GHDC: variants seen among roughly 807,000 people sequenced by gnomAD.
GHDC encodes the protein GH3 domain-containing protein.
Under a neutral mutation model 51.5 loss-of-function variants are expected in GHDC, and 39 were observed. That is an observed-to-expected ratio of 0.76 (90% confidence interval 0.59 to 0.99). The LOEUF (loss-of-function observed/expected upper bound fraction) is 0.99. Among genes scored for constraint, GHDC ranks in the 50% least tolerant of loss-of-function variants. The pLI, the probability that GHDC is intolerant of heterozygous loss-of-function variation, is 0.00. For missense variants in GHDC, 610 were observed against 672.8 expected (o/e 0.91, Z 1.03); for synonymous variants, 282 against 305.2 (o/e 0.92, Z 0.79).
At chr17:42,193,676 AC>A (rs1159868905) in intron 2 of GHDC, 82 bp from the exon 3 acceptor site, 1 of 1,426,154 alleles carries the variant, frequency 7.0e-7, no homozygotes, top group African/African-American at 1.4e-5. Context: ...ATACAGGAAA[AC>A]CGAGGAAAAA....
In GHDC at chr17:42,192,482, A is replaced by G. The variant is rs200841324; in HGVS notation, c.648T>C (p.Asp216=). The G allele has an allele frequency of 1.1e-5, 18 of 1,613,680 alleles. No homozygotes were observed. The highest frequency in any genetic ancestry group is 5.5e-5 in the South Asian group (5 of 91,084). ...CTATCGCCCCAGCTAGCTCTTCACC[A>G]TCAGTCTCCAGGCCCAAGAAAACAT... ...LLDVFLGLET[D]GEELAGAIAA... The change falls in exon 5 of 10, where the codon GAT becomes GAC. Residue 216 remains aspartate (D), a synonymous_variant. Coordinates refer to ENST00000587427, the MANE Select transcript of GHDC (RefSeq NM_032484.5).
rs759390413 is a variant in GHDC, at chr17:42,191,161, A to C, written c.939T>G (p.Leu313=). 18 of 1,552,806 alleles carry C rather than the reference A, an allele frequency of 1.2e-5. No individual in the cohort carries two copies. Among genetic ancestry groups the C allele is most frequent in the Non-Finnish European group, 1.6e-5 (18 of 1,153,208 alleles). The change falls in exon 6 of 10, where the codon CTT becomes CTG. Residue 313 remains leucine (L), a synonymous_variant. Coordinates refer to ENST00000587427, the MANE Select transcript of GHDC (RefSeq NM_032484.5). Reference sequence around the variant, plus strand: ...CGATAAAGGGGGCCCCAGGGGGCAGAAGGTAGAGCCCATGGGGCTGCTCTG... The same window carrying C: ...CGATAAAGGGGGCCCCAGGGGGCAGCAGGTAGAGCCCATGGGGCTGCTCTG... ...LQPEQPHGLY[L]LPPGAPFIEL... is the part of the protein sequence containing the mutation.
At chr17:42,192,148 A>T in intron 5 of GHDC, 93 bp downstream of exon 5, 1 of 1,443,094 alleles carries the variant, frequency 6.9e-7, no homozygotes, top group Non-Finnish European at 9.3e-7. Context: ...GGGGAGGATT[A>T]AATGAGATGA....
Position 42,189,619 on chromosome 17 carries a change from C to A in GHDC, c.*84G>T. The A allele has an allele frequency of 1.5e-6, 1 of 659,006 alleles. No homozygotes were observed. The highest frequency in any genetic ancestry group is 2.4e-6 in the Non-Finnish European group (1 of 420,472). The allele number at this position is 659,006 out of a possible 1,614,324, so 40.8% of individuals were successfully genotyped here. A position where few individuals can be genotyped will look rare whatever the true frequency, so the allele number is the denominator to read the frequency against. On this transcript the variant is annotated 3_prime_UTR_variant, in exon 10 of 10. Transcript: ENST00000587427. ...GGTGACACAGAGTCAGAGACCCTGG[C>A]CAAGGACTCCCCATCCGGAGAGGTC...
Position 42,189,748 on chromosome 17 carries a change from C to A in GHDC, c.1548G>T (p.Arg516=). 6.6e-7 allele frequency: 1 copy of A among 1,516,648 alleles called. No individual in the cohort carries two copies. 93.9% of individuals were successfully genotyped at this position (1,516,648 alleles called of 1,614,324 possible). A position where few individuals can be genotyped will look rare whatever the true frequency, so the allele number is the denominator to read the frequency against. Residue 516 remains arginine (R), a synonymous_variant, in exon 10 of 10, where the codon CGG becomes CGT. Transcript: ENST00000587427. ...PFPPAMPRVL[R]HRHLAQCLQE... ...GCAGACACTGGGCCAGGTGCCTGTGCCGAAGGACCCGGGGCATCGCAGGGG... is the reference window on the plus strand; with the variant it reads ...GCAGACACTGGGCCAGGTGCCTGTGACGAAGGACCCGGGGCATCGCAGGGG...
In GHDC at chr17:42,190,631, G is replaced by C. The variant is rs750795458; in HGVS notation, c.1281C>G (p.Ser427Arg). The change falls in exon 8 of 10, where the codon AGC (serine) becomes AGG (arginine). Residue 427 changes from serine (S) to arginine (R), a missense_variant. Coordinates refer to ENST00000587427, the MANE Select transcript of GHDC (RefSeq NM_032484.5). ...KLLDHGCVES[S>R]ILDSSAGSAP... ...GCCGGTGGGGAGGCTCACCCAGAAT[G>C]CTGCTCTCCACACAGCCATGGTCCA... The C allele has an allele frequency of 6.2e-7, 1 of 1,611,510 alleles. No homozygotes were observed. The highest frequency in any genetic ancestry group is 8.5e-7 in the Non-Finnish European group (1 of 1,179,656).
Position 42,189,778 on chromosome 17 carries a change from G to T in GHDC, c.1518C>A (p.Pro506=), listed in dbSNP as rs1022838679. The change falls in exon 10 of 10, where the codon CCC becomes CCA. Residue 506 remains proline (P), a synonymous_variant. Transcript: ENST00000587427. ...RAALAACPSS[P]FPPAMPRVLR... Reference sequence around the variant, plus strand: ...GGACCCGGGGCATCGCAGGGGGGAAGGGGGAGGAGGGGCAGGCAGCGAGGG... The same window carrying T: ...GGACCCGGGGCATCGCAGGGGGGAATGGGGAGGAGGGGCAGGCAGCGAGGG... 1.9e-6 allele frequency: 3 copies of T among 1,540,228 alleles called. 1 individual carries two copies.
chr17:42,194,186 A>AAAAAG (rs985325508), intron 1 of GHDC: 1 of 152,832 alleles, frequency 6.5e-6, no homozygotes, highest in African/African-American at 2.4e-5. Flanking sequence ...GTCAAAAAAA[A>AAAAAG]AAAGAAAAGA....
chr17:42,193,116 C>T (rs748960480), intron 3 of GHDC, 89 bp from the exon 4 acceptor site: 10 of 1,588,840 alleles, frequency 6.3e-6, no homozygotes, highest in African/African-American at 2.7e-5. Flanking sequence ...AGGGAGGAAC[C>T]GAGAATAGGC....
At position 42,190,545 on chromosome 17, in the gene GHDC, C is replaced by T. The variant is rs1051713169; in HGVS notation, c.1288+79G>A. ...GTAGTAAAGGAGGCTTATCTCTTTC[C>T]TAGCAGTCCCCTGGCAGGGGAGGTA... On this transcript the variant is annotated intron_variant, in intron 8 of 9. Coordinates refer to ENST00000587427, the MANE Select transcript of GHDC (RefSeq NM_032484.5). 1.7e-5 allele frequency: 26 copies of T among 1,514,076 alleles called. No homozygotes were observed. In the African/African-American group the frequency reaches 3.5e-4, roughly 20 times the overall value. The allele number at this position is 1,514,076 out of a possible 1,614,324, so 93.8% of individuals were successfully genotyped here.
At position 42,191,107 on chromosome 17, in the gene GHDC, C is replaced by T. The variant is rs749709662; in HGVS notation, c.993G>A (p.Gln331=). ...AAAGGAGGGTGGAGGCAGCTTCCTC[C>T]TGGGTGCCTTCCTTGACTGGGAGCA... ...IELLPVKEGT[Q]EEAASTLLLA... Residue 331 remains glutamine, a synonymous_variant, in exon 6 of 10, where the codon CAG becomes CAA. Coordinates refer to ENST00000587427, the MANE Select transcript of GHDC (RefSeq NM_032484.5). 3 of 1,570,272 alleles carry T rather than the reference C, an allele frequency of 1.9e-6. No homozygotes were observed. Among genetic ancestry groups the T allele is most frequent in the South Asian group, 2.4e-5 (2 of 84,728 alleles).
rs1474953959 is a variant in GHDC, at chr17:42,190,531, G to A, written c.1288+93C>T. 2.7e-6 allele frequency: 4 copies of A among 1,471,556 alleles called. No individual in the cohort carries two copies. In the East Asian group the frequency reaches 9.8e-5, roughly 36 times the overall value. 91.2% of individuals were successfully genotyped at this position (1,471,556 alleles called of 1,614,324 possible). On this transcript the variant is annotated intron_variant, in intron 8 of 9. Coordinates refer to ENST00000587427, the MANE Select transcript of GHDC (RefSeq NM_032484.5). Reference sequence around the variant, plus strand: ...GGACTTTTGTAGGAGTAGTAAAGGAGGCTTATCTCTTTCCTAGCAGTCCCC... The same window carrying A: ...GGACTTTTGTAGGAGTAGTAAAGGAAGCTTATCTCTTTCCTAGCAGTCCCC...
At chr17:42,192,101 G>C (rs2079973003) in intron 5 of GHDC, 140 bp downstream of exon 5, 1 of 1,148,810 alleles carries the variant, frequency 8.7e-7, no homozygotes. Context: ...TTCTTCACTT[G>C]TAAAAGGAGG....
rs1478491636 is a variant in GHDC, at chr17:42,191,133, G to A, written c.967C>T (p.Leu323=). 1 of 1,556,808 alleles carries A rather than the reference G, an allele frequency of 6.4e-7. No individual in the cohort carries two copies. The highest frequency in any genetic ancestry group is 2.1e-5 in the Admixed American group (1 of 46,826). The change falls in exon 6 of 10, where the codon CTG becomes TTG. Residue 323 remains leucine (L), a synonymous_variant. Coordinates refer to ENST00000587427, the MANE Select transcript of GHDC (RefSeq NM_032484.5). ...TGGGTGCCTTCCTTGACTGGGAGCA[G>A]CTCGATAAAGGGGGCCCCAGGGGGC... The part of the protein sequence containing the change: ...LLPPGAPFIE[L]LPVKEGTQEE...
chr17:42,191,060 T>C lies in GHDC; in HGVS notation c.1040A>G (p.Lys347Arg). Reference sequence around the variant, plus strand: ...GTCCGTCAGCACCAGCTCATACTCCTTGCCCTGCTGGGCCTCGGCCAAAAG... The same window carrying C: ...GTCCGTCAGCACCAGCTCATACTCCCTGCCCTGCTGGGCCTCGGCCAAAAG... ...TLLLAEAQQG[K>R]EYELVLTDRA... Residue 347 changes from lysine (K) to arginine (R), a missense_variant, in exon 6 of 10, where the codon AAG becomes AGG. By Grantham distance (26) the Lys-to-Arg change is conservative. Coordinates refer to ENST00000587427, the MANE Select transcript of GHDC (RefSeq NM_032484.5). 2 of 1,584,702 alleles carry C rather than the reference T, an allele frequency of 1.3e-6. No individual in the cohort carries two copies. The highest frequency in any genetic ancestry group is 1.7e-6 in the Non-Finnish European group (2 of 1,166,584).
chr17:42,193,048 G>A (rs777856639), intron 3 of GHDC, 21 bp from the exon 4 acceptor site: 3 of 1,614,076 alleles, frequency 1.9e-6, no homozygotes, highest in Non-Finnish European at 1.7e-6. Flanking sequence ...AATGACAACA[G>A]AAACGCCTCA....
chr17:42,192,692 C>T lies in GHDC; in HGVS notation c.438G>A (p.Leu146=). The T allele has an allele frequency of 6.3e-7, 1 of 1,581,358 alleles. No homozygotes were observed. The highest frequency in any genetic ancestry group is 1.2e-5 in the South Asian group (1 of 86,930). ...AALNKAYPEV[L]AQGRTARVTL... ...TCACACGGGCAGTGCGTCCCTGAGC[C>T]AGCACTTCTGGGTAGGCCTTGTTTA... Residue 146 remains leucine, a synonymous_variant, in exon 5 of 10, where the codon CTG becomes CTA. Coordinates refer to ENST00000587427, the MANE Select transcript of GHDC (RefSeq NM_032484.5).
Position 42,193,585 on chromosome 17 carries a change from C to CA in GHDC, c.-5dup, listed in dbSNP as rs2079987492. On this transcript the variant is annotated 5_prime_UTR_variant, in exon 3 of 10. Transcript: ENST00000587427. ...GCAGCAGTGGCCACAGCAGCATCTC[C>CA]AAGCAGCTCCTGGGAAGAGGAAGGA... 3 of 1,532,428 alleles carry CA rather than the reference C, an allele frequency of 2.0e-6. No individual in the cohort carries two copies. The highest frequency in any genetic ancestry group is 1.4e-5 in the African/African-American group (1 of 72,962). The allele number at this position is 1,532,428 out of a possible 1,614,324, so 94.9% of individuals were successfully genotyped here. A position where few individuals can be genotyped will look rare whatever the true frequency, so the allele number is the denominator to read the frequency against.
Position 42,193,002 on chromosome 17 carries a change from G to A in GHDC, c.291C>T (p.Leu97=). 6.2e-7 allele frequency: 1 copy of A among 1,614,152 alleles called. No individual in the cohort carries two copies. Among genetic ancestry groups the A allele is most frequent in the Non-Finnish European group, 8.5e-7 (1 of 1,180,034 alleles). Residue 97 remains leucine (L), a synonymous_variant, in exon 4 of 10, where the codon CTC becomes CTT. Coordinates refer to ENST00000587427, the MANE Select transcript of GHDC (RefSeq NM_032484.5). Reference sequence around the variant, plus strand: ...GGGTCTGGCTGGCCTTGGTCAGAGGGAGATGATTCCGGAAGGTGCTTATGT... The same window carrying A: ...GGGTCTGGCTGGCCTTGGTCAGAGGAAGATGATTCCGGAAGGTGCTTATGT... The part of the protein sequence containing the change: ...STDISTFRNH[L]PLTKASQTQQ...
Sources: gnomAD v4.1 joint callset for allele counts on GRCh38, gnomAD v4.1.1 for gene constraint, MANE v1.5 for transcripts, NCBI Gene and HGNC (gene_info 2026-07-23, HGNC 2026-07-21) for gene names.